The following APLP1 variants were observed in gnomAD, a reference collection of about 807,000 sequenced individuals.
APLP1 encodes the protein amyloid beta (A4) precursor-like protein 1.
In APLP1, 46 loss-of-function variants were observed where a neutral mutation model predicts 84.5. That is an observed-to-expected ratio of 0.54 (90% CI 0.43 to 0.70). The LOEUF (loss-of-function observed/expected upper bound fraction) is 0.70. Ranked by LOEUF, APLP1 falls within the 30% of genes least tolerant of loss-of-function variation. The probability of loss-of-function intolerance (pLI) is 0.00; values close to 1 mark genes in which losing one functional copy is unlikely to be tolerated. For synonymous variants in APLP1, 376 were observed against 364.0 expected (o/e 1.03, Z -0.38); for missense variants, 826 against 900.2 (o/e 0.92, Z 1.05).
chr19:35,879,367 GAGCAGC>G lies in APLP1; in HGVS notation c.1886_1891del (p.Gln629_Gln630del), dbSNP rs1974364730. The G allele has an allele frequency of 6.2e-7, 1 of 1,613,870 alleles. No individual in the cohort carries two copies. Among genetic ancestry groups the G allele is most frequent in the Non-Finnish European group, 8.5e-7 (1 of 1,179,996 alleles). On this transcript the variant is annotated inframe_deletion, in exon 17 of 17. Coordinates refer to ENST00000221891, the MANE Select transcript of APLP1 (RefSeq NM_001024807.3). The stretch of plus-strand genomic sequence containing the variant: ...GGTGGACCCCATGCTGACCCTGGAG[GAGCAGC>G]AGCTCCGCGAACTGCAGCGGCACGG...
intron 2 of APLP1, 59 bp downstream of exon 2, chr19:35,869,869 G>C (rs1974098872): frequency 1.3e-6 from 2 of 1,540,516 alleles, no homozygotes; most frequent in East Asian, 4.9e-5. Flanking sequence ...CTTGAAAAAG[G>C]CGTGGTCCAG....
Position 35,872,441 on chromosome 19 carries a change from G to GA in APLP1, c.851-41dup, listed in dbSNP as rs1159000042. ...TTCTCTAGGTAGAAAAGGCGACCTG[G>GA]AGGTGGGCTGCAGACTGACCTCCTG... is the stretch of plus-strand genomic sequence containing the variant. On this transcript the variant is annotated intron_variant, in intron 6 of 16. Transcript: ENST00000221891. The GA allele has an allele frequency of 1.9e-6, 3 of 1,596,312 alleles. No individual in the cohort carries two copies. In the South Asian group the frequency reaches 3.4e-5, roughly 18 times the overall value.
At position 35,878,592 on chromosome 19, in the gene APLP1, G is replaced by T; in HGVS notation, c.1588G>T (p.Glu530Ter). 1 of 1,614,000 alleles carries T rather than the reference G, an allele frequency of 6.2e-7. No homozygotes were observed. Among genetic ancestry groups the T allele is most frequent in the South Asian group, 1.1e-5 (1 of 91,068 alleles). ...TPMTLPKGST[E>*]QDAASPEKEK... ...ATCAGACTTGGGGGTAGGGTCCACA[G>T]AACAAGATGCTGCATCCCCTGAGAA... Residue 530 changes from glutamate to a stop codon, truncating the protein, a stop_gained, in exon 14 of 17, where the codon GAA (glutamate) becomes TAA (stop). Coordinates refer to ENST00000221891, the MANE Select transcript of APLP1 (RefSeq NM_001024807.3). LOFTEE classifies it high-confidence loss of function.
At chr19:35,869,341 C>T in intron 1 of APLP1, 1 of 554,894 alleles carries the variant, frequency 1.8e-6, no homozygotes, top group Non-Finnish European at 3.1e-6. Context: ...GGCCAGAACT[C>T]CTGGGTTCTG....
In APLP1 at chr19:35,870,995, C is replaced by A. The variant is rs960256475; in HGVS notation, c.391C>A (p.Pro131Thr). The A allele has an allele frequency of 2.0e-5, 31 of 1,552,906 alleles. No homozygotes were observed. Among genetic ancestry groups the A allele is most frequent in the Non-Finnish European group, 2.6e-5 (30 of 1,150,370 alleles). ...TTCCCGGAGCGGCAGCTGCGCCCACCCCCACCACCAGGTTGTGCCCTTCCG... is the reference window on the plus strand; with the variant it reads ...TTCCCGGAGCGGCAGCTGCGCCCACACCCACCACCAGGTTGTGCCCTTCCG... ...GGSRSGSCAH[P>T]HHQVVPFRCL... The change falls in exon 3 of 17, where the codon CCC becomes ACC. Residue 131 changes from proline (P) to threonine (T), a missense_variant. Physicochemically the swap from Pro to Thr is conservative, Grantham distance 38. Transcript: ENST00000221891.
Position 35,879,084 on chromosome 19 carries a change from G to T in APLP1, c.1724G>T (p.Gly575Val). 2 of 1,612,204 alleles carry T rather than the reference G, an allele frequency of 1.2e-6. No homozygotes were observed. The highest frequency in any genetic ancestry group is 1.7e-6 in the Non-Finnish European group (2 of 1,179,978). The stretch of plus-strand genomic sequence containing the variant: ...CTCCTCTCCCTGCAGGCACCAGCTG[G>T]GACAGGGGTGTCCCGTGAGGCTGTG... ...EIQRDELAPA[G>V]TGVSREAVSG... Residue 575 changes from glycine to valine, a missense_variant, in exon 16 of 17, where the codon GGG becomes GTG. Gly to Val is a moderately radical substitution (Grantham distance 109). Coordinates refer to ENST00000221891, the MANE Select transcript of APLP1 (RefSeq NM_001024807.3).
Position 35,868,693 on chromosome 19 carries a change from G to C in APLP1, c.57G>C (p.Pro19=). The C allele has an allele frequency of 7.1e-7, 1 of 1,412,064 alleles. No homozygotes were observed. Among genetic ancestry groups the C allele is most frequent in the Admixed American group, 3.0e-5 (1 of 33,370 alleles). The allele number at this position is 1,412,064 out of a possible 1,614,324, so 87.5% of individuals were successfully genotyped here. Residue 19 remains proline (P), a synonymous_variant, in exon 1 of 17, where the codon CCG becomes CCC. Transcript: ENST00000221891. This position sits in a 1 kb window ranked among gnomAD's most constrained non-coding sequence, Gnocchi z 5.2. ...TAAGTCGCCGCCCGGGCCAGCCGCC[G>C]CTGCCGCTGCTGCTGCCACTATTGC... is the stretch of plus-strand genomic sequence containing the variant. ...RGLSRRPGQP[P]LPLLLPLLLL...
At chr19:35,876,397 C>T (rs538489356) in intron 10 of APLP1, 120 bp from the exon 11 acceptor site, 2 of 812,580 alleles carry the variant, frequency 2.5e-6, no homozygotes, top group East Asian at 5.1e-5. Flanking sequence ...ACCACACATC[C>T]TGTCCATTGC....
At position 35,874,835 on chromosome 19, in the gene APLP1, T is replaced by G; in HGVS notation, c.1310T>G (p.Val437Gly). 6.2e-7 allele frequency: 1 copy of G among 1,611,240 alleles called. No individual in the cohort carries two copies. The highest frequency in any genetic ancestry group is 8.5e-7 in the Non-Finnish European group (1 of 1,179,972). ...CGCCACTACCAGCATGTGGCCGCCG[T>G]GGATCCCGAGAAGGCACAGCAGATG... ...TLRHYQHVAA[V>G]DPEKAQQMRF... Residue 437 changes from valine to glycine, a missense_variant, in exon 10 of 17, where the codon GTG becomes GGG. By Grantham distance (109) the Val-to-Gly change is moderately radical. Around this residue, in one of 3 missense-constraint regions of APLP1, gnomAD observed 433 missense variants for 496.5 expected, o/e 0.87. Transcript: ENST00000221891. This position sits in a 1 kb window ranked among gnomAD's most constrained non-coding sequence, Gnocchi z 6.4.
intron 4 of APLP1, 122 bp from the exon 5 acceptor site, chr19:35,871,490 C>T: frequency 4.9e-6 from 7 of 1,419,274 alleles, no homozygotes; most frequent in Non-Finnish European, 6.9e-6. Flanking sequence ...TCCCCCAACC[C>T]CTTCCTCTAG....
At chr19:35,878,129 C>G (rs1475734139) in intron 13 of APLP1, 21 bp downstream of exon 13, 4 of 1,609,826 alleles carry the variant, frequency 2.5e-6, no homozygotes, top group Non-Finnish European at 3.4e-6. Flanking sequence ...CACAGTTAAC[C>G]CCAGCCTCCA....
intron 6 of APLP1, 65 bp from the exon 7 acceptor site, chr19:35,872,418 C>G: frequency 1.3e-6 from 2 of 1,573,212 alleles, no homozygotes; most frequent in Admixed American, 1.8e-5. Flanking sequence ...AAATGTGGTT[C>G]TCTAGGTAGA....
chr19:35,878,632 C>T lies in APLP1; in HGVS notation c.1628C>T (p.Pro543Leu), dbSNP rs768271829. Residue 543 changes from proline (P) to leucine (L), a missense_variant, in exon 14 of 17, where the codon CCG (proline) becomes CTG (leucine). Pro to Leu is a moderately conservative substitution (Grantham distance 98). Coordinates refer to ENST00000221891, the MANE Select transcript of APLP1 (RefSeq NM_001024807.3). Reference protein sequence around the residue: ...AASPEKEKMNPLEQYERKVNA... With the variant: ...AASPEKEKMNLLEQYERKVNA... ...TCCCCTGAGAAAGAGAAGATGAACCCGCTGGAACAGTATGAGCGAAAGGTA... is the reference window on the plus strand; with the variant it reads ...TCCCCTGAGAAAGAGAAGATGAACCTGCTGGAACAGTATGAGCGAAAGGTA... 5.6e-6 allele frequency: 9 copies of T among 1,613,870 alleles called. No homozygotes were observed. The African/African-American group carries it at 9.4e-5, about 17-fold the overall frequency.
Position 35,879,141 on chromosome 19 carries a change from G to GCT in APLP1, c.1783_1784dup (p.Leu596ProfsTer30), listed in dbSNP as rs1974353354. On this transcript the variant is annotated frameshift_variant, in exon 16 of 17. Coordinates refer to ENST00000221891, the MANE Select transcript of APLP1 (RefSeq NM_001024807.3). LOFTEE classifies it high-confidence loss of function. ...CTGCTGATCATGGGAGCGGGCGGAGGCTCCCTCATCGTCCTCTCCATGCTG... is the reference window on the plus strand; with the variant it reads ...CTGCTGATCATGGGAGCGGGCGGAGGCTCTCCCTCATCGTCCTCTCCATGCTG... 6.2e-7 allele frequency: 1 copy of GCT among 1,612,276 alleles called. No homozygotes were observed. The highest frequency in any genetic ancestry group is 1.3e-5 in the African/African-American group (1 of 74,916).
At chr19:35,879,001 C>T (rs1326532238) in intron 15 of APLP1, 49 bp downstream of exon 15, 2 of 1,613,694 alleles carry the variant, frequency 1.2e-6, no homozygotes, top group Non-Finnish European at 1.7e-6. Context: ...CAGAGGTCAG[C>T]GGCCAGGCTG....
At chr19:35,870,216 G>A (rs545733945) in intron 2 of APLP1, 52 of 238,714 alleles carry the variant, frequency 2.2e-4, no homozygotes, top group African/African-American at 1.1e-3. Context: ...GTTTTGGAGA[G>A]GCGGAATAGA....
At position 35,876,550 on chromosome 19, in the gene APLP1, G is replaced by T. The variant is rs1296447262; in HGVS notation, c.1378G>T (p.Val460Leu). 1.9e-6 allele frequency: 3 copies of T among 1,613,716 alleles called. No individual in the cohort carries two copies. The highest frequency in any genetic ancestry group is 2.5e-6 in the Non-Finnish European group (3 of 1,179,914). ...HTHLQVIEERVNQSLGLLDQN... is the reference protein window; with the variant it reads ...HTHLQVIEERLNQSLGLLDQN... ...CCACCTTCAAGTGATTGAGGAGAGG[G>T]TGAATCAGAGCCTGGGCCTGCTTGA... The change falls in exon 11 of 17, where the codon GTG (valine) becomes TTG (leucine). Residue 460 changes from valine (V) to leucine (L), a missense_variant. Coordinates refer to ENST00000221891, the MANE Select transcript of APLP1 (RefSeq NM_001024807.3).
rs779632563 is a variant in APLP1 at position 35,870,949 on chromosome 19, C to A, written c.345C>A (p.Pro115=). 1.9e-6 allele frequency: 3 copies of A among 1,595,770 alleles called. No individual in the cohort carries two copies. Among genetic ancestry groups the A allele is most frequent in the East Asian group, 2.3e-5 (1 of 44,234 alleles). ...TGGAGCAGGCTACGCAGGCCATCCC[C>A]ATGGAGCGCTGGTGCGGGGGTTCCC... ...ARVEQATQAI[P]MERWCGGSRS... is the part of the protein sequence containing the mutation. Residue 115 remains proline (P), a synonymous_variant, in exon 3 of 17, where the codon CCC becomes CCA. Transcript: ENST00000221891.
In APLP1 at chr19:35,868,747, C is replaced by A; in HGVS notation, c.111C>A (p.Ile37=). 7.4e-7 allele frequency: 1 copy of A among 1,343,626 alleles called. No individual in the cohort carries two copies. The highest frequency in any genetic ancestry group is 9.5e-7 in the Non-Finnish European group (1 of 1,050,290). The allele number at this position is 1,343,626 out of a possible 1,614,324, so 83.2% of individuals were successfully genotyped here. Residue 37 remains isoleucine, a synonymous_variant, in exon 1 of 17, where the codon ATC becomes ATA. Coordinates refer to ENST00000221891, the MANE Select transcript of APLP1 (RefSeq NM_001024807.3). The surrounding 1 kb of genome is among the most constrained non-coding windows in gnomAD (Gnocchi z 5.2). ...TGCTTCTGCGCGCGCAGCCCGCCAT[C>A]GGGAGCCTGGCCGGTGGGAGCCCCG... ...LLLLLRAQPA[I]GSLAGGSPGA...
Sources: gnomAD v4.1 joint callset for allele counts on GRCh38, gnomAD v4.1.1 for gene constraint, gnomAD v4.1.1 regional missense constraint, Gnocchi (gnomAD v3.1) non-coding constraint, MANE v1.5 for transcripts, NCBI Gene and HGNC (gene_info 2026-07-23, HGNC 2026-07-21) for gene names.